RABGAP1: variants seen among roughly 807,000 people sequenced by gnomAD.
The protein encoded by RABGAP1 is RAB GTPase activating protein 1.
In RABGAP1, 23 loss-of-function variants were observed where a neutral mutation model predicts 137.6. That is an observed-to-expected ratio of 0.17 (90% CI 0.12 to 0.24). The LOEUF (loss-of-function observed/expected upper bound fraction) is 0.24. Among genes scored for constraint, RABGAP1 ranks in the 10% least tolerant of loss-of-function variants. The probability of loss-of-function intolerance (pLI) is 1.00; values close to 1 mark genes in which losing one functional copy is unlikely to be tolerated. For missense variants in RABGAP1, 906 were observed against 1,275.8 expected (o/e 0.71, Z 4.42); for synonymous variants, 451 against 450.7 (o/e 1.00, Z -0.01).
intron 22 of RABGAP1, 120 bp from the exon 23 acceptor site, chr9:123,098,595 T>C (rs1366953948): frequency 2.0e-5 from 14 of 689,588 alleles, no homozygotes; most frequent in South Asian, 1.8e-4. Flanking sequence ...AGTAGCTGAA[T>C]TAGAGGACTT....
rs748606848 is a variant in RABGAP1 at position 123,035,533 on chromosome 9, T to C, written c.1794+15074T>C. ...ACTAAAGCGCCTCTCAGGGGCTATG[T>C]GTACTTCTTGTGCAAGTCAGACTAC... On this transcript the variant is annotated intron_variant, in intron 13 of 25. Coordinates refer to ENST00000373647, the MANE Select transcript of RABGAP1 (RefSeq NM_012197.4). 2.3e-5 allele frequency: 37 copies of C among 1,613,890 alleles called. No homozygotes were observed. Among genetic ancestry groups the C allele is most frequent in the Non-Finnish European group, 2.9e-5 (34 of 1,179,932 alleles).
rs1227107773 is a variant in RABGAP1, at chr9:123,028,258, A to G, written c.1794+7799A>G. ...ATTCATTGTTTATTCAATAAAAAATACCTTTTGAATGCCTACCCTGTGCCA... is the reference window on the plus strand; with the variant it reads ...ATTCATTGTTTATTCAATAAAAAATGCCTTTTGAATGCCTACCCTGTGCCA... On this transcript the variant is annotated intron_variant, in intron 13 of 25. Transcript: ENST00000373647. Among the ~76,000 whole-genome samples the G allele has an allele frequency of 2.0e-5, 3 of 152,224 alleles. No homozygotes were observed. The East Asian group carries it at 5.8e-4, about 29-fold the overall frequency.
rs755317345 is a variant in RABGAP1 at position 123,104,078 on chromosome 9, CAATTT to C, written c.*870_*874del. ...TCCAGACTAGGACTGCTGATCTGCACAATTTAATTATGTGGTTATTCGAGCACTTA... is the reference window on the plus strand; with the variant it reads ...TCCAGACTAGGACTGCTGATCTGCACAATTATGTGGTTATTCGAGCACTTA... On this transcript the variant is annotated 3_prime_UTR_variant, in exon 26 of 26. Transcript: ENST00000373647. 1 of 152,204 alleles carries C rather than the reference CAATTT, an allele frequency of 6.6e-6. No homozygotes were observed. Among genetic ancestry groups the C allele is most frequent in the Non-Finnish European group, 1.5e-5 (1 of 67,976 alleles). The allele number at this position is 152,204 out of a possible 1,614,324, so 9.4% of individuals were successfully genotyped here.
At chr9:122,978,660 T>A (rs1037957188) in intron 2 of RABGAP1, among the ~76,000 whole-genome samples, 1 of 152,142 alleles carries the variant, frequency 6.6e-6, no homozygotes, top group Non-Finnish European at 1.5e-5. Context: ...CAAACAGATT[T>A]TTGTGTAGAC....
At position 123,020,360 on chromosome 9, in the gene RABGAP1, C is replaced by A. The variant is rs772050666; in HGVS notation, c.1695C>A (p.Asn565Lys). ...AGCAGTTGTCATCCTTAGTAAGAAA[C>A]GGTGTCCCTGAAGCTCTTCGAGGAG... ...RPKQLSSLVRNGVPEALRGEV... is the reference protein window; with the variant it reads ...RPKQLSSLVRKGVPEALRGEV... Residue 565 changes from asparagine to lysine, a missense_variant, in exon 13 of 26, where the codon AAC (asparagine) becomes AAA (lysine). Asn to Lys is a moderately conservative substitution (Grantham distance 94). Around this residue, in one of 9 missense-constraint regions of RABGAP1, gnomAD observed 212 missense variants for 289.4 expected, o/e 0.73. Coordinates refer to ENST00000373647, the MANE Select transcript of RABGAP1 (RefSeq NM_012197.4). 6.2e-7 allele frequency: 1 copy of A among 1,601,242 alleles called. No homozygotes were observed. Among genetic ancestry groups the A allele is most frequent in the South Asian group, 1.1e-5 (1 of 88,012 alleles).
chr9:122,944,910 G>A (rs1307012913), intron 1 of RABGAP1, among the ~76,000 whole-genome samples: 1 of 151,678 alleles, frequency 6.6e-6, no homozygotes, highest in Non-Finnish European at 1.5e-5. Context: ...TATACTTCAG[G>A]GATCGTTCCT....
At chr9:123,084,342 T>C (rs2034803651) in intron 19 of RABGAP1, among the ~76,000 whole-genome samples, 1 of 152,202 alleles carries the variant, frequency 6.6e-6, no homozygotes, top group South Asian at 2.1e-4. Flanking sequence ...TTTCTGATAG[T>C]CCTACCACAT....
chr9:122,967,487 C>T (rs1415572104), intron 2 of RABGAP1, among the ~76,000 whole-genome samples: 1 of 152,140 alleles, frequency 6.6e-6, no homozygotes, highest in African/African-American at 2.4e-5. Context: ...GGAAAAGAGT[C>T]TCCTGTGCGT....
chr9:122,990,750 CG>C (rs1836628400), intron 6 of RABGAP1: 2 of 103,566 alleles, frequency 1.9e-5, no homozygotes, highest in African/African-American at 4.3e-5. Context: ...GCCTGGGCAA[CG>C]AGAACGAAAC....
rs1588295347 is a variant in RABGAP1 at position 123,028,538 on chromosome 9, C to T, written c.1794+8079C>T. On this transcript the variant is annotated intron_variant, in intron 13 of 25. Transcript: ENST00000373647. ...ATAGTTGGGGTGGGATAGGGTGCTG[C>T]ATAACAGATGTGGTCTTAAAAGTCA... Among the ~76,000 whole-genome samples the T allele has an allele frequency of 2.6e-5, 4 of 152,124 alleles. No homozygotes were observed. In the South Asian group the frequency reaches 8.3e-4, roughly 31 times the overall value.
intron 17 of RABGAP1, among the ~76,000 whole-genome samples, chr9:123,074,808 C>T (rs1271550042): frequency 6.6e-6 from 1 of 152,140 alleles, no homozygotes; most frequent in African/African-American, 2.4e-5. Flanking sequence ...AGTAGCACAC[C>T]AGCCATTATA....
At chr9:123,059,208 GA>G (rs1223221107) in intron 13 of RABGAP1, among the ~76,000 whole-genome samples, 2 of 152,124 alleles carry the variant, frequency 1.3e-5, no homozygotes, top group Non-Finnish European at 2.9e-5. Context: ...AGAGATAAAG[GA>G]AGATCAGTGT....
rs755997097 is a variant in RABGAP1 at position 122,990,145 on chromosome 9, T to A, written c.855T>A (p.Pro285=). ...CAGCCACTGCTGCACCCCAGACTCCTGACAGTGACATCTTTACCTTCTCTG... is the reference window on the plus strand; with the variant it reads ...CAGCCACTGCTGCACCCCAGACTCCAGACAGTGACATCTTTACCTTCTCTG... ...PLSATAAPQT[P]DSDIFTFSVS... Residue 285 remains proline, a synonymous_variant, in exon 6 of 26, where the codon CCT becomes CCA. Transcript: ENST00000373647. 3 of 1,612,362 alleles carry A rather than the reference T, an allele frequency of 1.9e-6. No homozygotes were observed. The Admixed American group carries it at 5.0e-5, about 27-fold the overall frequency.
chr9:122,963,366 C>G (rs76705595), intron 2 of RABGAP1, among the ~76,000 whole-genome samples: 2,408 of 152,258 alleles, frequency 0.016, 35 homozygotes, highest in South Asian at 0.066. Context: ...GCTAACAGAT[C>G]TCTGTAGAAC....
intron 6 of RABGAP1, among the ~76,000 whole-genome samples, chr9:122,994,974 A>G (rs909073333): frequency 2.0e-4 from 31 of 152,138 alleles, no homozygotes; most frequent in African/African-American, 7.0e-4. Flanking sequence ...AAAATTAGCT[A>G]GGCATGGTGG....
At chr9:123,099,428 A>G in intron 23 of RABGAP1, 50 bp from the exon 24 acceptor site, 4 of 1,499,132 alleles carry the variant, frequency 2.7e-6, no homozygotes, top group Non-Finnish European at 3.7e-6. Context: ...GAATTTATGC[A>G]GATGATTACA....
At chr9:123,035,054 C>A (rs1410259051) in intron 13 of RABGAP1, 1 of 1,613,948 alleles carries the variant, frequency 6.2e-7, no homozygotes, top group Non-Finnish European at 8.5e-7. Flanking sequence ...GTCTTCCTGC[C>A]TTCCTTTTTC....
chr9:123,045,218 T>C (rs941740180), intron 13 of RABGAP1, among the ~76,000 whole-genome samples: 11 of 152,214 alleles, frequency 7.2e-5, no homozygotes, highest in African/African-American at 2.2e-4. Flanking sequence ...ACAAAAGTTA[T>C]AGCATTTAAA....
In RABGAP1 at chr9:122,982,321, A is replaced by C. The variant is rs555922876; in HGVS notation, c.151-2164A>C. Among the ~76,000 whole-genome samples, 4 of 152,354 alleles carry C rather than the reference A, an allele frequency of 2.6e-5. No homozygotes were observed. In the East Asian group the frequency reaches 7.7e-4, roughly 29 times the overall value. On this transcript the variant is annotated intron_variant, in intron 2 of 25. Transcript: ENST00000373647. ...ATAAAGTAGGGAAGAATGCAAGATAAACGTGTAAACACAAGGCAAAGGTAT... is the reference window on the plus strand; with the variant it reads ...ATAAAGTAGGGAAGAATGCAAGATACACGTGTAAACACAAGGCAAAGGTAT...
Sources: gnomAD v4.1 joint callset for allele counts (sites outside exome capture counted in the v4.1 genomes callset) on GRCh38, gnomAD v4.1.1 for gene constraint, gnomAD v4.1.1 regional missense constraint, MANE v1.5 for transcripts, NCBI Gene and HGNC (gene_info 2026-07-23, HGNC 2026-07-21) for gene names.